Variants in AGBL1 observed in about 807,000 individuals in gnomAD.
The protein encoded by AGBL1 is cytosolic carboxypeptidase 4.
In AGBL1, 130 loss-of-function variants were observed where a neutral mutation model predicts 118.9. The ratio of observed to expected loss-of-function variants is 1.09; its 90% confidence interval spans 0.95 to 1.26. AGBL1 has a LOEUF of 1.26. Among genes scored for constraint, AGBL1 ranks in the 50% most tolerant of loss-of-function variants. AGBL1 has a pLI of 0.00. For synonymous variants in AGBL1, 555 were observed against 478.9 expected, an observed-to-expected ratio of 1.16 and a Z score of -2.08; for missense variants, 1,584 against 1,298.1, an observed-to-expected ratio of 1.22 and a Z score of -3.38.
At chr15:86,541,433 AT>A (rs1419277563) in intron 19 of AGBL1, among the ~76,000 whole-genome samples, 2 of 152,048 alleles carry the variant, frequency 1.3e-5, no homozygotes, top group Non-Finnish European at 2.9e-5. Flanking sequence ...CTACAAAAGT[AT>A]TTTAAAAATT....
intron 4 of AGBL1, among the ~76,000 whole-genome samples, chr15:86,155,365 A>C (rs1249856696): frequency 6.6e-6 from 1 of 152,088 alleles, no homozygotes; most frequent in Non-Finnish European, 1.5e-5. Flanking sequence ...AAGGAGAATC[A>C]CTTGAGCCCA....
intron 18 of AGBL1, among the ~76,000 whole-genome samples, chr15:86,463,834 T>C (rs560829879): frequency 1.3e-5 from 2 of 152,336 alleles, no homozygotes; most frequent in South Asian, 4.1e-4. Context: ...GCTGTTTTGG[T>C]TACTCTAGCC....
At chr15:86,705,600 C>T (rs950986730) in intron 22 of AGBL1, among the ~76,000 whole-genome samples, 1 of 152,150 alleles carries the variant, frequency 6.6e-6, no homozygotes, top group Non-Finnish European at 1.5e-5. Flanking sequence ...TCAATTGAGA[C>T]TGCTAGTGGT....
chr15:86,262,311 G>A (rs1167351554), intron 9 of AGBL1, among the ~76,000 whole-genome samples: 1 of 152,008 alleles, frequency 6.6e-6, no homozygotes, highest in African/African-American at 2.4e-5. Context: ...AAGCATGGAT[G>A]TTTGTCTGTT....
intron 5 of AGBL1, among the ~76,000 whole-genome samples, chr15:86,176,097 A>G (rs1335406379): frequency 2.6e-5 from 4 of 152,186 alleles, no homozygotes; most frequent in East Asian, 1.9e-4. Context: ...TTCCCCAACT[A>G]TTATTGAATT....
In AGBL1 at chr15:86,393,712, G is replaced by A. The variant is rs144590924; in HGVS notation, c.2375-3654G>A. ...ATTTTTTTTTAGAAAGTTTCAGTTA[G>A]TGAGTCATTAGTCCTATGGTGCAGA... On this transcript the variant is annotated intron_variant, in intron 17 of 22. Transcript: ENST00000614907. 3.7e-4 allele frequency among the ~76,000 whole-genome samples: 56 copies of A among 152,224 alleles called. No individual in the cohort carries two copies. In the East Asian group the frequency reaches 0.01, roughly 28 times the overall value.
At chr15:87,027,681 G>T (rs998585063) in intron 24 of AGBL1, among the ~76,000 whole-genome samples, 5 of 151,822 alleles carry the variant, frequency 3.3e-5, no homozygotes, top group Non-Finnish European at 7.4e-5. Flanking sequence ...GTACATATAC[G>T]CCATGGAATA....
intron 23 of AGBL1, among the ~76,000 whole-genome samples, chr15:86,959,731 T>C (rs2080972285): frequency 6.6e-6 from 1 of 152,076 alleles, no homozygotes; most frequent in African/African-American, 2.4e-5. Context: ...CTCAACACAT[T>C]CATCTCTGTG....
At chr15:86,919,575 C>G (rs1221178046), downstream of AGBL1, among the ~76,000 whole-genome samples, 1 of 37,862 alleles carries the variant, frequency 2.6e-5, no homozygotes, top group African/African-American at 1.7e-4. Context: ...CCTGTTGAGA[C>G]ACACACACAC....
chr15:86,835,906 ATCT>A (rs1221414537), intron 22 of AGBL1, among the ~76,000 whole-genome samples: 1 of 152,190 alleles, frequency 6.6e-6, no homozygotes, highest in Non-Finnish European at 1.5e-5. Flanking sequence ...AGAAAAGTCC[ATCT>A]TCTTTCATTC....
chr15:86,754,706 C>T (rs531846219), intron 22 of AGBL1, among the ~76,000 whole-genome samples: 59 of 152,188 alleles, frequency 3.9e-4, no homozygotes, highest in African/African-American at 1.4e-3. Context: ...TGTGGCTGTG[C>T]AGCTTTATTG....
chr15:86,905,136 G>C (rs2080264727), intron 22 of AGBL1, among the ~76,000 whole-genome samples: 2 of 152,220 alleles, frequency 1.3e-5, no homozygotes, highest in South Asian at 4.1e-4. Flanking sequence ...GACGGTTTTA[G>C]GAAATTGTGA....
chr15:86,664,301 G>C (rs1483071911), intron 21 of AGBL1, among the ~76,000 whole-genome samples: 2 of 152,158 alleles, frequency 1.3e-5, no homozygotes, highest in Admixed American at 1.3e-4. Context: ...GGGTCGATAA[G>C]TGGAGAAGCC....
intron 21 of AGBL1, among the ~76,000 whole-genome samples, chr15:86,642,162 G>A (rs1457223114): frequency 6.6e-6 from 1 of 152,152 alleles, no homozygotes; most frequent in Non-Finnish European, 1.5e-5. Flanking sequence ...ATTTCTAGTG[G>A]TGACTGTAAA....
intron 14 of AGBL1, 38 bp from the exon 15 acceptor site, chr15:86,271,581 T>C (rs2079162500): frequency 1.3e-6 from 2 of 1,525,956 alleles, no homozygotes; most frequent in East Asian, 4.5e-5. Context: ...AACAACTCTC[T>C]TTCCCTCATG....
In AGBL1 at chr15:86,825,387, T is replaced by TAAAAAAAAAAAAAAAAAAAAAAAAAAA. The variant is rs869042604; in HGVS notation, c.3159-81690_3159-81664dup. ...AGTTGAAAAGACAAGGTAGAAACTG[T>TAAAAAAAAAAAAAAAAAAAAAAAAAAA]AAAAAAAAAAAAAAAAAAAAAAAAA... On this transcript the variant is annotated intron_variant, in intron 22 of 22. Transcript: ENST00000614907. Among the ~76,000 whole-genome samples the TAAAAAAAAAAAAAAAAAAAAAAAAAAA allele has an allele frequency of 1.1e-3, 12 of 11,148 alleles. 3 individuals carry two copies. Among genetic ancestry groups the TAAAAAAAAAAAAAAAAAAAAAAAAAAA allele is most frequent in the Non-Finnish European group, 1.3e-3 (10 of 7,488 alleles). 7.3% of individuals were successfully genotyped at this position (11,148 alleles called of 152,430 possible).
intron 22 of AGBL1, among the ~76,000 whole-genome samples, chr15:86,711,858 G>T (rs1489822775): frequency 6.6e-6 from 1 of 152,166 alleles, no homozygotes; most frequent in African/African-American, 2.4e-5. Flanking sequence ...TCAGAAGATA[G>T]AAATCAATAC....
chr15:86,706,568 C>T (rs1384765368), intron 22 of AGBL1, among the ~76,000 whole-genome samples: 1 of 152,082 alleles, frequency 6.6e-6, no homozygotes, highest in East Asian at 1.9e-4. Flanking sequence ...CTTGCTGCAA[C>T]ATGCTAGTAA....
intron 22 of AGBL1, among the ~76,000 whole-genome samples, 162 bp downstream of exon 22, chr15:86,674,598 A>G (rs1399386333): frequency 6.6e-6 from 1 of 152,172 alleles, no homozygotes; most frequent in African/African-American, 2.4e-5. Flanking sequence ...CTACTGATGA[A>G]AAAGAGGATG....
Sources: gnomAD v4.1 joint callset for allele counts (sites outside exome capture counted in the v4.1 genomes callset) on GRCh38, gnomAD v4.1.1 for gene constraint, MANE v1.5 for transcripts, NCBI Gene and HGNC (gene_info 2026-07-23, HGNC 2026-07-21) for gene names.